Variants in SLC41A3 observed in about 807,000 individuals in gnomAD.
SLC41A3 encodes the protein SLC41A1-like 2.
Under a neutral mutation model 45.4 loss-of-function variants are expected in SLC41A3, and 44 were observed. The ratio of observed to expected loss-of-function variants is 0.97; its 90% confidence interval spans 0.76 to 1.25. SLC41A3 has a LOEUF of 1.25. Ranked by LOEUF, SLC41A3 falls within the 50% of genes most tolerant of loss-of-function variation. The pLI, the probability that SLC41A3 is intolerant of heterozygous loss-of-function variation, is 0.00. For synonymous variants in SLC41A3, 256 were observed against 252.4 expected, an observed-to-expected ratio of 1.01 and a Z score of -0.13; for missense variants, 550 against 600.6, an observed-to-expected ratio of 0.92 and a Z score of 0.88.
At position 126,050,996 on chromosome 3, in the gene SLC41A3, C is replaced by A. The variant is rs771665436; in HGVS notation, c.328G>T (p.Val110Leu). 21 of 1,612,726 alleles carry A rather than the reference C, an allele frequency of 1.3e-5. No homozygotes were observed. The highest frequency in any genetic ancestry group is 1.7e-5 in the Non-Finnish European group (20 of 1,179,388). Residue 110 changes from valine (V) to leucine (L), a missense_variant, in exon 3 of 11, where the codon GTG becomes TTG. Physicochemically the swap from Val to Leu is conservative, Grantham distance 32. Coordinates refer to ENST00000360370, the MANE Select transcript of SLC41A3 (RefSeq NM_017836.4). ...KDLLTLVPPL[V>L]GLKGNLEMTL... ...ATCTCCAGGTTCCCCTTCAGGCCCA[C>A]CAGGGGCGGCACCAATGTCAAAAGG...
In SLC41A3 at chr3:126,056,549, C is replaced by A. The variant is rs774474829; in HGVS notation, c.274-5499G>T. ...AACTCCAGATTCAGCTGGGTGACCA[C>A]CATGGCCAGGCAATGCACCACGATC... On this transcript the variant is annotated intron_variant, in intron 2 of 10. Transcript: ENST00000360370. The A allele has an allele frequency of 3.1e-6, 5 of 1,613,322 alleles. No individual in the cohort carries two copies. In the East Asian group the frequency reaches 6.7e-5, roughly 22 times the overall value.
intron 10 of SLC41A3, among the ~76,000 whole-genome samples, chr3:126,007,686 C>T (rs1280102817): frequency 6.6e-6 from 1 of 152,224 alleles, no homozygotes; most frequent in African/African-American, 2.4e-5. Flanking sequence ...CTAACCCCAG[C>T]TCCTTCCTTC....
chr3:126,078,737 T>C (rs1237739151), intron 1 of SLC41A3, among the ~76,000 whole-genome samples: 1 of 152,084 alleles, frequency 6.6e-6, no homozygotes, highest in African/African-American at 2.4e-5. Context: ...GTGTCTCCCC[T>C]AGGCCTGGGA....
chr3:126,045,973 T>C (rs1192314193), intron 3 of SLC41A3, among the ~76,000 whole-genome samples: 1 of 151,174 alleles, frequency 6.6e-6, no homozygotes, highest in Non-Finnish European at 1.5e-5. Flanking sequence ...AATCAATCCA[T>C]GTTAACAGAA....
chr3:126,076,353 A>T (rs1315453234), intron 1 of SLC41A3, among the ~76,000 whole-genome samples: 1 of 152,206 alleles, frequency 6.6e-6, no homozygotes, highest in East Asian at 1.9e-4. Flanking sequence ...TCCTTTTTAC[A>T]GCTGGGTAAT....
At chr3:126,018,686 C>T (rs1347542366) in intron 6 of SLC41A3, among the ~76,000 whole-genome samples, 3 of 152,254 alleles carry the variant, frequency 2.0e-5, no homozygotes, top group Non-Finnish European at 4.4e-5. Flanking sequence ...ACTTCTTCAA[C>T]AACTGTCACT....
intron 2 of SLC41A3, among the ~76,000 whole-genome samples, chr3:126,051,838 G>A (rs891565447): frequency 2.0e-5 from 3 of 152,072 alleles, no homozygotes; most frequent in Non-Finnish European, 2.9e-5. Flanking sequence ...TTCTAGACCT[G>A]GAAACAAATC....
chr3:126,015,897 G>C (rs191532513), intron 7 of SLC41A3, among the ~76,000 whole-genome samples: 69 of 152,318 alleles, frequency 4.5e-4, no homozygotes, highest in Non-Finnish European at 3.8e-4. Context: ...CGACTGAGAT[G>C]CTCTTTAGCA....
In SLC41A3 at chr3:126,006,372, T is replaced by A. The variant is rs1225621320; in HGVS notation, c.*644A>T. The A allele has an allele frequency of 1.3e-6, 2 of 1,586,426 alleles. No homozygotes were observed. The highest frequency in any genetic ancestry group is 2.7e-5 in the African/African-American group (2 of 73,460). On this transcript the variant is annotated 3_prime_UTR_variant, in exon 11 of 11. Coordinates refer to ENST00000360370, the MANE Select transcript of SLC41A3 (RefSeq NM_017836.4). ...ACATAAAGGGTCAAGTACAATATAA[T>A]CTGTTTTATTTTACACTTCTCTGAT...
chr3:126,052,892 A>G (rs1232038015), intron 2 of SLC41A3, among the ~76,000 whole-genome samples: 2 of 152,158 alleles, frequency 1.3e-5, no homozygotes, highest in African/African-American at 2.4e-5. Context: ...ACACAGCACT[A>G]TCTTCCAGCA....
At chr3:126,007,262 G>C (rs747612646) in intron 10 of SLC41A3, 37 bp from the exon 11 acceptor site, 1 of 1,602,324 alleles carries the variant, frequency 6.2e-7, no homozygotes, top group Non-Finnish European at 8.5e-7. Context: ...AGAAGACCAA[G>C]TCAGAAAGTC....
intron 1 of SLC41A3, among the ~76,000 whole-genome samples, chr3:126,076,116 A>G (rs896684714): frequency 1.3e-4 from 20 of 152,248 alleles, no homozygotes; most frequent in Admixed American, 1.1e-3. Flanking sequence ...TATAAAGAAT[A>G]CTTACAATTC....
chr3:126,045,414 G>A (rs1442958108), intron 3 of SLC41A3, among the ~76,000 whole-genome samples: 1 of 147,812 alleles, frequency 6.8e-6, no homozygotes, highest in Non-Finnish European at 1.5e-5. Flanking sequence ...AAAAAAAGAA[G>A]TCTCAAAAAA....
chr3:126,077,085 A>G (rs1326270112), intron 1 of SLC41A3, among the ~76,000 whole-genome samples: 1 of 152,212 alleles, frequency 6.6e-6, no homozygotes, highest in Non-Finnish European at 1.5e-5. Context: ...ACAATACAAA[A>G]TAATATAACG....
chr3:126,032,880 A>G (rs1941907013), intron 4 of SLC41A3, among the ~76,000 whole-genome samples: 1 of 152,038 alleles, frequency 6.6e-6, no homozygotes, highest in Admixed American at 6.6e-5. Flanking sequence ...GTCACAGACC[A>G]CCCCAACTCA....
intron 2 of SLC41A3, chr3:126,056,307 A>G: frequency 6.3e-7 from 1 of 1,584,324 alleles, no homozygotes; most frequent in Non-Finnish European, 8.6e-7. Context: ...GTGCCAGGAG[A>G]CCCAGTCTGT....
At position 126,006,862 on chromosome 3, in the gene SLC41A3, G is replaced by T; in HGVS notation, c.*154C>A. 6.7e-7 allele frequency: 1 copy of T among 1,492,978 alleles called. No individual in the cohort carries two copies. The allele number at this position is 1,492,978 out of a possible 1,614,324, so 92.5% of individuals were successfully genotyped here. On this transcript the variant is annotated 3_prime_UTR_variant, in exon 11 of 11. Transcript: ENST00000360370. The stretch of plus-strand genomic sequence containing the variant: ...AGGCTCAGGTATCAACCCCAGAGCC[G>T]AGGTGTGTGAGAGCTACCTTAGCAG...
chr3:126,061,504 C>T (rs4679203), intron 2 of SLC41A3, among the ~76,000 whole-genome samples: 100,206 of 152,078 alleles, frequency 0.66, 33,270 homozygotes, highest in Admixed American at 0.72. Context: ...GACCCCAGAA[C>T]CTGCTGTGTG....
rs868587655 is a variant in SLC41A3 at position 126,081,919 on chromosome 3, G to C, written c.-28+2174C>G. ...GCAGGTGCTGGCGCAGCCCTGATCC[G>C]TGATTCATGCTGGGAACACGTGTGC... is the stretch of plus-strand genomic sequence containing the variant. On this transcript the variant is annotated intron_variant, in intron 1 of 10. Coordinates refer to ENST00000360370, the MANE Select transcript of SLC41A3 (RefSeq NM_017836.4). Among the ~76,000 whole-genome samples, 3 of 152,252 alleles carry C rather than the reference G, an allele frequency of 2.0e-5. No individual in the cohort carries two copies. The East Asian group carries it at 5.8e-4, about 29-fold the overall frequency.
Sources: gnomAD v4.1 joint callset for allele counts (sites outside exome capture counted in the v4.1 genomes callset) on GRCh38, gnomAD v4.1.1 for gene constraint, MANE v1.5 for transcripts, NCBI Gene and HGNC (gene_info 2026-07-23, HGNC 2026-07-21) for gene names.